The following FRMPD4 variants were observed in gnomAD, a reference collection of about 807,000 sequenced individuals.
FRMPD4 encodes the protein FERM and PDZ domain containing 4, also known as FERM and PDZ domain-containing protein 4.
Under a neutral mutation model 94.1 loss-of-function variants are expected in FRMPD4, and 22 were observed. The observed-to-expected ratio is 0.23, with a 90% CI of 0.17 to 0.33. The LOEUF is 0.33. Among genes scored for constraint, FRMPD4 ranks in the 10% least tolerant of loss-of-function variants. The pLI, the probability that FRMPD4 is intolerant of heterozygous loss-of-function variation, is 1.00. For missense variants in FRMPD4, 1,111 were observed against 1,339.9 expected (o/e 0.83, Z 2.67); for synonymous variants, 631 against 548.6 (o/e 1.15, Z -2.10).
rs763137364 is a variant in FRMPD4, at chrX:12,484,843, G to A, written c.42-13837G>A. On this transcript the variant is annotated intron_variant, in intron 1 of 16. Transcript: ENST00000675598. Reference sequence around the variant, plus strand: ...AAATGGTGGCCCTGGAGATAAATCAGTCATTTAATTTCTCTACCTACCTAT... The same window carrying A: ...AAATGGTGGCCCTGGAGATAAATCAATCATTTAATTTCTCTACCTACCTAT... Among the ~76,000 whole-genome samples the A allele has an allele frequency of 6.2e-5, 7 of 112,126 alleles. No individual in the cohort carries two copies. In the East Asian group the frequency reaches 2.0e-3, roughly 31 times the overall value.
intron 4 of FRMPD4, among the ~76,000 whole-genome samples, chrX:12,650,137 A>C (rs2059583388): frequency 8.9e-6 from 1 of 112,680 alleles, no homozygotes; most frequent in Non-Finnish European, 1.9e-5. Context: ...GTTCTAGATC[A>C]ATGACATTGC....
chrX:12,265,011 T>C (rs1251812103), intron 1 of FRMPD4, among the ~76,000 whole-genome samples: 3 of 112,322 alleles, frequency 2.7e-5, no homozygotes, highest in South Asian at 3.7e-4. Flanking sequence ...TGGTAATATA[T>C]AGCAGTAGAA....
intron 1 of FRMPD4, among the ~76,000 whole-genome samples, chrX:12,344,522 C>A (rs150492605): frequency 9.0e-6 from 1 of 111,606 alleles, no homozygotes; most frequent in East Asian, 2.8e-4. Flanking sequence ...AAAACCAACC[C>A]GTTTTCTTTA....
intron 2 of FRMPD4, among the ~76,000 whole-genome samples, chrX:11,870,071 A>G (rs978968244): frequency 2.7e-5 from 3 of 111,930 alleles, no homozygotes; most frequent in Non-Finnish European, 5.6e-5. Context: ...TGATCTGAGG[A>G]TAAGTAGTAA....
intron 1 of FRMPD4, among the ~76,000 whole-genome samples, chrX:12,325,699 G>A (rs1229486394): frequency 8.9e-6 from 1 of 112,385 alleles, no homozygotes; most frequent in Non-Finnish European, 1.9e-5. Flanking sequence ...CTATGTGCTA[G>A]AAATATCAGC....
chrX:12,590,784 A>T (rs1002911152), intron 2 of FRMPD4, among the ~76,000 whole-genome samples: 3 of 111,559 alleles, frequency 2.7e-5, no homozygotes, highest in African/African-American at 9.8e-5. Context: ...ATTCACTAGG[A>T]CAAATTCTGG....
chrX:12,720,044 GGAAAGGAAA>G (rs200475384), intron 16 of FRMPD4, among the ~76,000 whole-genome samples: 3,302 of 29,822 alleles, frequency 0.11, 69 homozygotes, highest in South Asian at 0.2. Context: ...GGAAAGGAAA[GGAAAGGAAA>G]GAAAGAAAGA....
chrX:12,554,555 G>C (rs1313437567), intron 2 of FRMPD4, among the ~76,000 whole-genome samples: 1 of 112,035 alleles, frequency 8.9e-6, no homozygotes, highest in African/African-American at 3.2e-5. Context: ...GAAAACTTTT[G>C]TTTCACTCTT....
chrX:12,320,690 A>T, intron 1 of FRMPD4, among the ~76,000 whole-genome samples: 1 of 111,718 alleles, frequency 9.0e-6, no homozygotes, highest in South Asian at 3.8e-4. Context: ...GGTGATAATC[A>T]GCATATGCTT....
intron 5 of FRMPD4, among the ~76,000 whole-genome samples, chrX:12,678,513 C>G (rs1230186873): frequency 2.7e-5 from 3 of 112,192 alleles, no homozygotes; most frequent in African/African-American, 6.5e-5. Context: ...CCAATCTTAC[C>G]TGAGACAGAG....
chrX:12,045,606 T>C (rs1569148357), intron 3 of FRMPD4, among the ~76,000 whole-genome samples: 1 of 111,346 alleles, frequency 9.0e-6, no homozygotes, highest in Non-Finnish European at 1.9e-5. Context: ...GAGCCCATGT[T>C]GAGATGGATA....
intron 2 of FRMPD4, among the ~76,000 whole-genome samples, chrX:12,505,704 G>A (rs760344993): frequency 1.6e-3 from 139 of 84,714 alleles, no homozygotes; most frequent in African/African-American, 6.0e-3. Flanking sequence ...TCCAGCCTGG[G>A]CAACAAGAGC....
chrX:12,261,592 A>C (rs2054189936), intron 1 of FRMPD4, among the ~76,000 whole-genome samples: 1 of 112,240 alleles, frequency 8.9e-6, no homozygotes, highest in Admixed American at 9.5e-5. Context: ...AGAAAAACAG[A>C]ATTAGAGCCC....
chrX:11,957,279 C>A (rs755770156), intron 3 of FRMPD4, among the ~76,000 whole-genome samples: 31 of 111,791 alleles, frequency 2.8e-4, no homozygotes, highest in African/African-American at 9.1e-4. Context: ...TAATGAGAAC[C>A]AAGTGCTGTG....
At chrX:12,086,367 G>T (rs771649810) in intron 3 of FRMPD4, among the ~76,000 whole-genome samples, 1 of 111,949 alleles carries the variant, frequency 8.9e-6, no homozygotes, top group African/African-American at 3.2e-5. Context: ...TTTTGTTGTT[G>T]TTGTTGTTTT....
chrX:12,499,336 G>C, intron 2 of FRMPD4, among the ~76,000 whole-genome samples: 1 of 111,894 alleles, frequency 8.9e-6, no homozygotes, highest in East Asian at 2.8e-4. Context: ...TGTTAATTGT[G>C]GTATAGAGAG....
chrX:12,225,438 T>A (rs1454119668), intron 1 of FRMPD4, among the ~76,000 whole-genome samples: 1 of 112,095 alleles, frequency 8.9e-6, no homozygotes, highest in Non-Finnish European at 1.9e-5. Flanking sequence ...GGAAGATAGA[T>A]GCCCATCTGG....
At chrX:12,149,038 T>G (rs1357259531) in intron 1 of FRMPD4, 1 of 112,066 alleles carries the variant, frequency 8.9e-6, no homozygotes, top group African/African-American at 3.2e-5. Flanking sequence ...ACTAATATTG[T>G]TTTCATGCCC....
At chrX:12,511,370 G>A (rs1321466558) in intron 2 of FRMPD4, among the ~76,000 whole-genome samples, 1 of 111,672 alleles carries the variant, frequency 9.0e-6, no homozygotes, top group African/African-American at 3.3e-5. Context: ...GAACTAAAAT[G>A]GAACACAGAT....
Sources: gnomAD v4.1 joint callset for allele counts (sites outside exome capture counted in the v4.1 genomes callset) on GRCh38, gnomAD v4.1.1 for gene constraint, MANE v1.5 for transcripts, NCBI Gene and HGNC (gene_info 2026-07-23, HGNC 2026-07-21) for gene names.